Variants in CALD1 observed in about 807,000 individuals in gnomAD.
CALD1 encodes caldesmon 1.
CALD1 carries 33 observed loss-of-function variants against 99.9 expected under a neutral mutation model. The observed-to-expected ratio is 0.33, with a 90% confidence interval of 0.25 to 0.44. CALD1 has a LOEUF of 0.44. CALD1 is among the 20% of genes least tolerant of loss of function. CALD1 has a pLI of 1.00. For missense variants in CALD1, 861 were observed against 962.1 expected (o/e 0.89, Z 1.39); for synonymous variants, 310 against 325.0 (o/e 0.95, Z 0.50).
At chr7:134,893,937 A>G (rs1477890097) in intron 3 of CALD1, among the ~76,000 whole-genome samples, 1 of 152,222 alleles carries the variant, frequency 6.6e-6, no homozygotes, top group Non-Finnish European at 1.5e-5. Flanking sequence ...TGTGTTTTGT[A>G]CATAAGATCA....
intron 14 of CALD1, among the ~76,000 whole-genome samples, chr7:134,966,341 C>T (rs1435831550): frequency 2.0e-5 from 3 of 152,198 alleles, no homozygotes; most frequent in South Asian, 2.1e-4. Context: ...CTATTAGCTA[C>T]GTATTGCGCT....
intron 3 of CALD1, 43 bp from the exon 4 acceptor site, chr7:134,928,711 T>C (rs1312806009): frequency 6.3e-7 from 1 of 1,593,614 alleles, no homozygotes; most frequent in Non-Finnish European, 8.6e-7. Flanking sequence ...TGAAGACACG[T>C]GGCAAGTGGC....
intron 3 of CALD1, among the ~76,000 whole-genome samples, chr7:134,906,686 A>G (rs949012354): frequency 7.2e-5 from 11 of 152,344 alleles, no homozygotes; most frequent in African/African-American, 2.6e-4. Flanking sequence ...TTAGCCTTAC[A>G]AATGAGAAAC....
intron 13 of CALD1, among the ~76,000 whole-genome samples, chr7:134,963,759 CAT>C (rs528988509): frequency 3.7e-4 from 56 of 152,320 alleles, no homozygotes; most frequent in African/African-American, 5.5e-4. Flanking sequence ...TGTTCTTACA[CAT>C]GTCATCAACT....
chr7:134,921,412 G>C (rs1326990094), intron 3 of CALD1, among the ~76,000 whole-genome samples: 1 of 152,198 alleles, frequency 6.6e-6, no homozygotes, highest in Non-Finnish European at 1.5e-5. Context: ...ACAAGATCTA[G>C]AAGATTACAT....
chr7:134,864,722 T>C (rs1405360829), intron 2 of CALD1, among the ~76,000 whole-genome samples: 1 of 152,212 alleles, frequency 6.6e-6, no homozygotes, highest in Non-Finnish European at 1.5e-5. Flanking sequence ...CACTGACTTA[T>C]TTCTTAATCA....
At chr7:134,786,016 AT>A (rs1288795266) in intron 1 of CALD1, among the ~76,000 whole-genome samples, 3 of 152,176 alleles carry the variant, frequency 2.0e-5, no homozygotes, top group Non-Finnish European at 4.4e-5. Flanking sequence ...CTGAGGATGA[AT>A]CTAAGCTCAG....
At chr7:134,728,202 C>CT in the CALD1 span, among the ~76,000 whole-genome samples, 152,232 of 152,238 alleles carry the variant, frequency 1, 76,113 homozygotes, top group Middle Eastern at 1. Context: ...TGGATTAAGT[C>CT]TTGATCTGAT....
intron 3 of CALD1, among the ~76,000 whole-genome samples, chr7:134,883,864 T>C (rs1001547603): frequency 6.6e-6 from 1 of 151,930 alleles, no homozygotes; most frequent in African/African-American, 2.4e-5. Context: ...TCCCAGCACT[T>C]TGGGAGGCCG....
the CALD1 span, among the ~76,000 whole-genome samples, chr7:134,723,683 T>C: frequency 1.3e-5 from 2 of 152,092 alleles, no homozygotes; most frequent in South Asian, 4.1e-4. Context: ...GAAATATTTC[T>C]GACTGTCACA....
chr7:134,810,286 C>T (rs1798304967), intron 1 of CALD1, among the ~76,000 whole-genome samples: 1 of 152,296 alleles, frequency 6.6e-6, no homozygotes, highest in Non-Finnish European at 1.5e-5. Flanking sequence ...AGGTTACTCT[C>T]AGCTGTCTTA....
chr7:134,787,298 T>A (rs1745488759), intron 1 of CALD1, among the ~76,000 whole-genome samples: 1 of 152,170 alleles, frequency 6.6e-6, no homozygotes, highest in South Asian at 2.1e-4. Flanking sequence ...GTGGCAAGAA[T>A]AAAATTTCTC....
At chr7:134,876,743 T>C (rs1478612920) in intron 3 of CALD1, among the ~76,000 whole-genome samples, 2 of 152,252 alleles carry the variant, frequency 1.3e-5, no homozygotes, top group Non-Finnish European at 2.9e-5. Context: ...TGAAACTAAG[T>C]TATGTAGGAT....
intron 1 of CALD1, among the ~76,000 whole-genome samples, chr7:134,774,346 T>C (rs78762240): frequency 0.03 from 4,606 of 152,184 alleles, 199 homozygotes; most frequent in African/African-American, 0.11. Flanking sequence ...GATACAAACC[T>C]GATTGTCGGT....
chr7:134,857,067 C>G (rs545783636), intron 2 of CALD1, among the ~76,000 whole-genome samples: 1 of 150,804 alleles, frequency 6.6e-6, no homozygotes, highest in African/African-American at 2.4e-5. Flanking sequence ...AAGCTATAGA[C>G]TAAGTGCTCC....
intron 14 of CALD1, among the ~76,000 whole-genome samples, chr7:134,966,659 G>C (rs1808702874): frequency 6.6e-6 from 1 of 151,976 alleles, no homozygotes; most frequent in Admixed American, 6.6e-5. Context: ...CCTGATCCGA[G>C]CCTGCATTTT....
rs528889642 is a variant in CALD1 at position 134,795,152 on chromosome 7, A to T, written c.-130+15403A>T. Among the ~76,000 whole-genome samples, 14 of 151,828 alleles carry T rather than the reference A, an allele frequency of 9.2e-5. 1 individual carries two copies. Among genetic ancestry groups the T allele is most frequent in the South Asian group, 6.2e-4 (3 of 4,812 alleles). ...AATTTTCTTTCTCTTTTTTTTTCAA[A>T]TACTCTAAAAATTAAAGAATGAGGA... On this transcript the variant is annotated intron_variant, in intron 1 of 14. Coordinates refer to ENST00000361675, the MANE Select transcript of CALD1 (RefSeq NM_033138.4).
upstream of CALD1, among the ~76,000 whole-genome samples, chr7:134,775,183 T>C (rs1796907641): frequency 6.6e-6 from 1 of 152,220 alleles, no homozygotes; most frequent in African/African-American, 2.4e-5. Flanking sequence ...TCCACCCTTT[T>C]CTTCTTTATT....
intron 9 of CALD1, among the ~76,000 whole-genome samples, chr7:134,954,410 G>A (rs62480960): frequency 0.026 from 3,922 of 152,254 alleles, 79 homozygotes; most frequent in Middle Eastern, 0.051. Flanking sequence ...TTGGTCTTCA[G>A]AAGAACCAAT....
Sources: gnomAD v4.1 joint callset for allele counts (sites outside exome capture counted in the v4.1 genomes callset) on GRCh38, gnomAD v4.1.1 for gene constraint, MANE v1.5 for transcripts, NCBI Gene and HGNC (gene_info 2026-07-23, HGNC 2026-07-21) for gene names.